The following IL18R1 variants were observed in gnomAD, a reference collection of about 807,000 sequenced individuals.
IL18R1 encodes interleukin 18 receptor 1.
Under a neutral mutation model 48.5 loss-of-function variants are expected in IL18R1, and 40 were observed. That is an observed-to-expected ratio of 0.82 (90% CI 0.64 to 1.07). IL18R1 has a LOEUF of 1.07. Among genes scored for constraint, IL18R1 ranks in the 50% least tolerant of loss-of-function variants. IL18R1 has a pLI of 0.00. For missense variants in IL18R1, 596 were observed against 633.7 expected (o/e 0.94, Z 0.64); for synonymous variants, 232 against 225.9 (o/e 1.03, Z -0.24).
chr2:102,361,845 T>A (rs1396592046), intron 1 of IL18R1, among the ~76,000 whole-genome samples: 1 of 152,178 alleles, frequency 6.6e-6, no homozygotes, highest in African/African-American at 2.4e-5. Flanking sequence ...TAATCAGAAC[T>A]CCGAATGCTA....
chr2:102,396,475 C>T, intron 10 of IL18R1, 56 bp from the exon 11 acceptor site: 4 of 1,049,426 alleles, frequency 3.8e-6, no homozygotes, highest in Non-Finnish European at 5.6e-6. Context: ...TGACTTTTAT[C>T]TCATGTTCCC....
At chr2:102,362,070 G>A (rs993625854) in intron 1 of IL18R1, among the ~76,000 whole-genome samples, 4 of 152,188 alleles carry the variant, frequency 2.6e-5, no homozygotes, top group African/African-American at 7.2e-5. Flanking sequence ...GCTAGGCATC[G>A]TGCTGGATTT....
At chr2:102,358,262 A>C (rs1009327475) in intron 1 of IL18R1, among the ~76,000 whole-genome samples, 2 of 152,176 alleles carry the variant, frequency 1.3e-5, no homozygotes, top group Non-Finnish European at 2.9e-5. Context: ...TCAGTTTCTC[A>C]GGGTGGGACC....
intron 1 of IL18R1, among the ~76,000 whole-genome samples, chr2:102,360,919 C>T (rs1382279709): frequency 1.3e-5 from 2 of 152,110 alleles, no homozygotes; most frequent in African/African-American, 4.8e-5. Context: ...TAACCTTAAT[C>T]TGTTAAATTC....
At chr2:102,362,806 A>C in intron 2 of IL18R1, 88 bp downstream of exon 2, 3 of 733,100 alleles carry the variant, frequency 4.1e-6, no homozygotes, top group Non-Finnish European at 4.5e-6. Flanking sequence ...TGGCTACTGA[A>C]GATGCTGAAT....
Position 102,356,378 on chromosome 2 carries a change from G to A in IL18R1, c.-51G>A. The A allele has an allele frequency of 1.0e-6, 1 of 984,846 alleles. No homozygotes were observed. The highest frequency in any genetic ancestry group is 4.7e-5 in the South Asian group (1 of 21,280). The allele number at this position is 984,846 out of a possible 1,614,324, so 61.0% of individuals were successfully genotyped here. A position where few individuals can be genotyped will look rare whatever the true frequency, so the allele number is the denominator to read the frequency against. ...AGGAGGAGCTGCCGCCCCCGCCCCA[G>A]CCTCGGGGACGCCTCTCTGAAGGTA... is the stretch of plus-strand genomic sequence containing the variant. On this transcript the variant is annotated 5_prime_UTR_variant, in exon 1 of 11. Coordinates refer to ENST00000233957, the MANE Select transcript of IL18R1 (RefSeq NM_003855.5).
intron 5 of IL18R1, among the ~76,000 whole-genome samples, chr2:102,378,051 CAT>C (rs1246462716): frequency 6.6e-6 from 1 of 152,204 alleles, no homozygotes; most frequent in African/African-American, 2.4e-5. Context: ...TTTTTAATCT[CAT>C]ATAAATCTCT....
chr2:102,359,538 A>C (rs565511603), intron 1 of IL18R1, among the ~76,000 whole-genome samples: 66 of 152,368 alleles, frequency 4.3e-4, no homozygotes, highest in Non-Finnish European at 9.1e-4. Flanking sequence ...TGAAAATAAA[A>C]TGGCTGATAA....
intron 9 of IL18R1, among the ~76,000 whole-genome samples, chr2:102,393,897 A>G (rs1680679072): frequency 6.6e-6 from 1 of 152,012 alleles, no homozygotes; most frequent in African/African-American, 2.4e-5. Flanking sequence ...TTTTTTTGTT[A>G]TGCTATTTTT....
At chr2:102,366,099 C>A (rs996334454) in intron 2 of IL18R1, among the ~76,000 whole-genome samples, 2 of 152,128 alleles carry the variant, frequency 1.3e-5, no homozygotes, top group African/African-American at 4.8e-5. Context: ...ATTTCTGCAA[C>A]CAGCTTTAAT....
intron 5 of IL18R1, among the ~76,000 whole-genome samples, chr2:102,376,974 CA>C (rs1679625405): frequency 6.6e-6 from 1 of 152,220 alleles, no homozygotes; most frequent in Non-Finnish European, 1.5e-5. Flanking sequence ...AAGAATTTCA[CA>C]GATTAAATCT....
chr2:102,387,406 C>T (rs138785610), intron 8 of IL18R1, among the ~76,000 whole-genome samples: 126 of 152,324 alleles, frequency 8.3e-4, no homozygotes, highest in African/African-American at 2.9e-3. Flanking sequence ...CAGCCTGCCT[C>T]AGCAGGGTAC....
At chr2:102,391,042 G>A (rs1372967327) in intron 9 of IL18R1, among the ~76,000 whole-genome samples, 1 of 151,518 alleles carries the variant, frequency 6.6e-6, no homozygotes, top group Non-Finnish European at 1.5e-5. Flanking sequence ...ATGTCGACCC[G>A]CTGGCTCTAT....
At chr2:102,373,802 G>T in intron 4 of IL18R1, 1 of 200,400 alleles carries the variant, frequency 5.0e-6, no homozygotes, top group East Asian at 1.3e-4. Flanking sequence ...CACCTCCTGT[G>T]AGATCCGCAG....
At chr2:102,374,235 C>T (rs990226766) in intron 4 of IL18R1, among the ~76,000 whole-genome samples, 1 of 152,120 alleles carries the variant, frequency 6.6e-6, no homozygotes, top group Non-Finnish European at 1.5e-5. Context: ...GTCGTGGAAA[C>T]TTTAAAGACC....
At chr2:102,378,702 A>C (rs142953164) in intron 5 of IL18R1, among the ~76,000 whole-genome samples, 4 of 152,328 alleles carry the variant, frequency 2.6e-5, no homozygotes, top group African/African-American at 7.2e-5. Context: ...TGCATCTTGG[A>C]TACCTACAAT....
chr2:102,372,133 AT>A lies in IL18R1; in HGVS notation c.468+16del. 1 of 1,553,932 alleles carries A rather than the reference AT, an allele frequency of 6.4e-7. No individual in the cohort carries two copies. The highest frequency in any genetic ancestry group is 1.4e-5 in the African/African-American group (1 of 71,684). ...CATTGTATAAGGTAATGCTTTTATA[AT>A]ATTTTAACTTTAAGACTTGATGGAA... On this transcript the variant is annotated intron_variant, in intron 4 of 10. Coordinates refer to ENST00000233957, the MANE Select transcript of IL18R1 (RefSeq NM_003855.5).
intron 9 of IL18R1, 106 bp from the exon 10 acceptor site, chr2:102,394,363 G>A: frequency 1.2e-6 from 1 of 833,458 alleles, no homozygotes; most frequent in South Asian, 2.4e-5. Flanking sequence ...TATATAATTT[G>A]TTTTTTCAAT....
chr2:102,379,444 C>CAAAAAAAAAA (rs112656218), intron 5 of IL18R1, among the ~76,000 whole-genome samples: 1 of 102,944 alleles, frequency 9.7e-6, no homozygotes, highest in Admixed American at 1.1e-4. Context: ...GACTCGGTCT[C>CAAAAAAAAAA]AAAAAAAAAA....
Sources: gnomAD v4.1 joint callset for allele counts (sites outside exome capture counted in the v4.1 genomes callset) on GRCh38, gnomAD v4.1.1 for gene constraint, MANE v1.5 for transcripts, NCBI Gene and HGNC (gene_info 2026-07-23, HGNC 2026-07-21) for gene names.